Variants in DCAF12 observed in about 807,000 individuals in gnomAD.
The protein encoded by DCAF12 is DDB1- and CUL4-associated factor 12.
Under a neutral mutation model 52.8 loss-of-function variants are expected in DCAF12, and 28 were observed. That is an observed-to-expected ratio of 0.53 (90% CI 0.39 to 0.73). DCAF12 has a LOEUF of 0.73. Ranked by LOEUF, DCAF12 falls within the 30% of genes least tolerant of loss-of-function variation. DCAF12 has a pLI of 0.00. For synonymous variants in DCAF12, 196 were observed against 215.5 expected, an observed-to-expected ratio of 0.91 and a Z score of 0.79; for missense variants, 425 against 552.2, an observed-to-expected ratio of 0.77 and a Z score of 2.31.
chr9:34,097,757 AC>A (rs1828758045), intron 5 of DCAF12, among the ~76,000 whole-genome samples: 1 of 150,564 alleles, frequency 6.6e-6, no homozygotes, highest in East Asian at 2.0e-4. Context: ...ACATGGTGAA[AC>A]CCCGTCTCTA....
chr9:34,124,044 T>C (rs1829211837), intron 2 of DCAF12, among the ~76,000 whole-genome samples: 1 of 152,176 alleles, frequency 6.6e-6, no homozygotes, highest in Non-Finnish European at 1.5e-5. Flanking sequence ...CCAACCACCA[T>C]GGTATTATTT....
In DCAF12 at chr9:34,088,135, G is replaced by A. The variant is rs1014688207; in HGVS notation, c.*215C>T. 14 of 409,880 alleles carry A rather than the reference G, an allele frequency of 3.4e-5. No homozygotes were observed. In the Admixed American group the frequency reaches 4.1e-4, roughly 12 times the overall value. 25.4% of individuals were successfully genotyped at this position (409,880 alleles called of 1,614,324 possible). A position where few individuals can be genotyped will look rare whatever the true frequency, so the allele number is the denominator to read the frequency against. On this transcript the variant is annotated 3_prime_UTR_variant, in exon 9 of 9. Coordinates refer to ENST00000361264, the MANE Select transcript of DCAF12 (RefSeq NM_015397.4). ...GAAAAGCCAGAAATAATAAAAGATA[G>A]TAAAATTTTGATTACCAAAGGGGAA...
chr9:34,110,232 C>A (rs1000696243), intron 2 of DCAF12, among the ~76,000 whole-genome samples: 2 of 152,016 alleles, frequency 1.3e-5, no homozygotes, highest in Non-Finnish European at 1.5e-5. Flanking sequence ...ACTGAATATG[C>A]CCAAAACAAA....
chr9:34,107,315 T>C, intron 3 of DCAF12, 44 bp downstream of exon 3: 1 of 1,593,452 alleles, frequency 6.3e-7, no homozygotes, highest in Non-Finnish European at 8.6e-7. Flanking sequence ...GAGACCCGTT[T>C]AAAAACAAGG....
At chr9:34,104,061 G>A (rs1350762821) in intron 4 of DCAF12, among the ~76,000 whole-genome samples, 1 of 151,982 alleles carries the variant, frequency 6.6e-6, no homozygotes, top group Non-Finnish European at 1.5e-5. Flanking sequence ...TTGAAGTCAG[G>A]AGTTTGAGAC....
chr9:34,099,451 C>T (rs1473952408), intron 4 of DCAF12, among the ~76,000 whole-genome samples: 2 of 152,074 alleles, frequency 1.3e-5, no homozygotes, highest in African/African-American at 2.4e-5. Flanking sequence ...AGGCTGGCCT[C>T]GAACTCCTGA....
intron 6 of DCAF12, 94 bp downstream of exon 6, chr9:34,096,621 TA>T (rs1391823649): frequency 8.5e-7 from 1 of 1,170,828 alleles, no homozygotes; most frequent in Non-Finnish European, 1.2e-6. Context: ...AATGAATAGA[TA>T]AAATAAACAT....
At chr9:34,124,955 G>A (rs1290328503) in intron 2 of DCAF12, 68 bp downstream of exon 2, 1 of 1,566,210 alleles carries the variant, frequency 6.4e-7, no homozygotes, top group Admixed American at 1.8e-5. Context: ...AACTAGCAGA[G>A]GTTCTAGAGC....
chr9:34,091,891 G>A (rs1237883853), intron 7 of DCAF12, among the ~76,000 whole-genome samples: 4 of 152,150 alleles, frequency 2.6e-5, no homozygotes, highest in Admixed American at 2.6e-4. Context: ...CCCCCATCAA[G>A]CTGTGTGATG....
chr9:34,099,408 T>G (rs532588614), intron 4 of DCAF12, among the ~76,000 whole-genome samples: 29 of 151,784 alleles, frequency 1.9e-4, no homozygotes, highest in African/African-American at 6.5e-4. Context: ...ATTTTTGTAT[T>G]TTTAGTAGAG....
chr9:34,114,709 TG>T (rs901609441), intron 2 of DCAF12, among the ~76,000 whole-genome samples: 7 of 151,862 alleles, frequency 4.6e-5, no homozygotes, highest in Admixed American at 1.3e-4. Context: ...CATTCTAGGA[TG>T]GGGGGAAAGA....
chr9:34,090,951 C>G (rs994128220), intron 7 of DCAF12, among the ~76,000 whole-genome samples: 16 of 152,180 alleles, frequency 1.1e-4, no homozygotes, highest in African/African-American at 3.6e-4. Context: ...AGCCACCGTG[C>G]CCGGCCCTAT....
chr9:34,093,127 G>A (rs553040857), intron 7 of DCAF12, among the ~76,000 whole-genome samples, 159 bp downstream of exon 7: 25 of 152,354 alleles, frequency 1.6e-4, no homozygotes, highest in African/African-American at 6.0e-4. Flanking sequence ...GGGATTACAG[G>A]CGTAAGCCAC....
At chr9:34,112,976 C>T (rs1365930497) in intron 2 of DCAF12, among the ~76,000 whole-genome samples, 1 of 152,144 alleles carries the variant, frequency 6.6e-6, no homozygotes, top group African/African-American at 2.4e-5. Context: ...AATTAATTGC[C>T]CACTCACATA....
Position 34,092,922 on chromosome 9 carries a change from C to T in DCAF12, c.1024+364G>A, listed in dbSNP as rs141780851. Among the ~76,000 whole-genome samples the T allele has an allele frequency of 5.7e-3, 872 of 152,138 alleles. 5 individuals carry two copies. The highest frequency in any genetic ancestry group is 0.02 in the African/African-American group (820 of 41,534). Reference sequence around the variant, plus strand: ...GTGCAATGGTGCGATCTCAGCTCACCGCAACCTCCGCCTCCCAGGTTCAAG... The same window carrying T: ...GTGCAATGGTGCGATCTCAGCTCACTGCAACCTCCGCCTCCCAGGTTCAAG... On this transcript the variant is annotated intron_variant, in intron 7 of 8. Coordinates refer to ENST00000361264, the MANE Select transcript of DCAF12 (RefSeq NM_015397.4).
intron 4 of DCAF12, among the ~76,000 whole-genome samples, chr9:34,104,192 G>C (rs933391480): frequency 6.6e-6 from 1 of 152,060 alleles, no homozygotes; most frequent in Non-Finnish European, 1.5e-5. Context: ...TTGAACCTGG[G>C]AGGCTGAGGT....
At chr9:34,102,590 T>G (rs1277367298) in intron 4 of DCAF12, among the ~76,000 whole-genome samples, 1 of 150,264 alleles carries the variant, frequency 6.7e-6, no homozygotes, top group Admixed American at 6.6e-5. Context: ...GAGACGGAGG[T>G]TGCAGTGAGC....
intron 1 of DCAF12, chr9:34,125,669 G>A (rs747538770): frequency 4.1e-5 from 19 of 460,476 alleles, no homozygotes; most frequent in Non-Finnish European, 8.2e-5. Context: ...ACTGGAGCAC[G>A]GAAGATACAG....
intron 4 of DCAF12, among the ~76,000 whole-genome samples, chr9:34,102,385 G>A (rs1267016914): frequency 1.3e-5 from 2 of 152,146 alleles, no homozygotes; most frequent in Middle Eastern, 3.4e-3. Context: ...AACCCAGGCC[G>A]GGCACGGTGG....
Sources: gnomAD v4.1 joint callset for allele counts (sites outside exome capture counted in the v4.1 genomes callset) on GRCh38, gnomAD v4.1.1 for gene constraint, MANE v1.5 for transcripts, NCBI Gene and HGNC (gene_info 2026-07-23, HGNC 2026-07-21) for gene names.